TANC1: variants seen among roughly 807,000 people sequenced by gnomAD.
TANC1 encodes the protein tetratricopeptide repeat, ankyrin repeat and coiled-coil containing 1.
Under a neutral mutation model 149.7 loss-of-function variants are expected in TANC1, and 77 were observed. That is an observed-to-expected ratio of 0.51 (90% CI 0.43 to 0.62). The LOEUF is 0.62. TANC1 is among the 20% of genes least tolerant of loss of function. The pLI is 0.00. For missense variants in TANC1, 1,985 were observed against 2,321.8 expected (o/e 0.85, Z 2.98); for synonymous variants, 854 against 925.0 (o/e 0.92, Z 1.39).
intron 2 of TANC1, among the ~76,000 whole-genome samples, chr2:159,013,877 G>A (rs1461649510): frequency 4.6e-5 from 7 of 152,176 alleles, no homozygotes; most frequent in African/African-American, 1.7e-4. Context: ...GGCAGAGCTG[G>A]TTCTTTCCTA....
At chr2:159,126,758 A>T (rs768668588) in intron 4 of TANC1, among the ~76,000 whole-genome samples, 4 of 152,242 alleles carry the variant, frequency 2.6e-5, no homozygotes, top group Non-Finnish European at 4.4e-5. Flanking sequence ...GCTTATGTTG[A>T]AGTGTTTTGA....
intron 3 of TANC1, among the ~76,000 whole-genome samples, chr2:159,087,947 C>T (rs1037521622): frequency 3.3e-5 from 5 of 150,278 alleles, no homozygotes; most frequent in Non-Finnish European, 7.4e-5. Context: ...AGATTTGAGG[C>T]ATGAATCTAT....
intron 20 of TANC1, 26 bp downstream of exon 20, chr2:159,217,656 C>T: frequency 1.2e-6 from 2 of 1,612,466 alleles, no homozygotes; most frequent in Non-Finnish European, 1.7e-6. Context: ...CTGAATGCTT[C>T]AGAAGCAATG....
At chr2:159,115,734 C>T (rs1291576573) in intron 4 of TANC1, among the ~76,000 whole-genome samples, 1 of 152,122 alleles carries the variant, frequency 6.6e-6, no homozygotes, top group Non-Finnish European at 1.5e-5. Context: ...CTTGATAGGT[C>T]AAGATTCAAA....
chr2:159,074,840 G>T (rs1475490134), intron 3 of TANC1, among the ~76,000 whole-genome samples: 1 of 152,136 alleles, frequency 6.6e-6, no homozygotes, highest in African/African-American at 2.4e-5. Context: ...ATGGTTGGGT[G>T]CTTGTAGGGG....
intron 4 of TANC1, among the ~76,000 whole-genome samples, chr2:159,134,313 C>A (rs540539805): frequency 1.3e-5 from 2 of 152,188 alleles, no homozygotes; most frequent in African/African-American, 2.4e-5. Flanking sequence ...GCAGTATTTT[C>A]TTTATTTTTG....
intron 3 of TANC1, among the ~76,000 whole-genome samples, chr2:159,083,961 G>A (rs2044547826): frequency 1.3e-5 from 2 of 148,324 alleles, no homozygotes; most frequent in East Asian, 3.9e-4. Flanking sequence ...ATAGAAAAAT[G>A]CAGTCATCAG....
intron 13 of TANC1, among the ~76,000 whole-genome samples, chr2:159,176,882 T>C (rs952466309): frequency 1.3e-5 from 2 of 150,092 alleles, no homozygotes; most frequent in African/African-American, 2.5e-5. Flanking sequence ...TTGTGTTTTT[T>C]TGAAGGGAAA....
intron 19 of TANC1, among the ~76,000 whole-genome samples, chr2:159,203,083 T>G (rs558358340): frequency 2.6e-5 from 4 of 152,180 alleles, no homozygotes; most frequent in African/African-American, 9.7e-5. Context: ...GCTCCAGCAC[T>G]TGCCATTCAG....
At chr2:158,992,950 TCC>T (rs539323101) in intron 1 of TANC1, among the ~76,000 whole-genome samples, 3,443 of 152,320 alleles carry the variant, frequency 0.023, 54 homozygotes, top group Non-Finnish European at 0.035. Flanking sequence ...TCGTGTGTTC[TCC>T]ATCACAGCCG....
chr2:159,206,925 C>G (rs187478769), intron 19 of TANC1, among the ~76,000 whole-genome samples: 20 of 152,282 alleles, frequency 1.3e-4, no homozygotes, highest in Non-Finnish European at 2.2e-4. Flanking sequence ...ATTCTCAGCA[C>G]ACTTTAGAAG....
intron 2 of TANC1, among the ~76,000 whole-genome samples, chr2:159,005,027 T>C (rs2037016032): frequency 6.6e-6 from 1 of 152,244 alleles, no homozygotes; most frequent in African/African-American, 2.4e-5. Context: ...TGGCTAGTTA[T>C]CTGCAGCAGG....
At chr2:159,079,804 C>T (rs2044072949) in intron 3 of TANC1, among the ~76,000 whole-genome samples, 1 of 152,148 alleles carries the variant, frequency 6.6e-6, no homozygotes, top group Non-Finnish European at 1.5e-5. Context: ...CAAATGAGAA[C>T]TCACACCTAC....
intron 7 of TANC1, among the ~76,000 whole-genome samples, chr2:159,161,373 A>T (rs1450368936): frequency 1.3e-5 from 2 of 152,240 alleles, no homozygotes; most frequent in Non-Finnish European, 2.9e-5. Flanking sequence ...ATGTTGGAGT[A>T]GCCTGTGAAC....
At chr2:158,986,217 G>A (rs568998970) in intron 1 of TANC1, among the ~76,000 whole-genome samples, 1 of 149,766 alleles carries the variant, frequency 6.7e-6, no homozygotes, top group African/African-American at 2.6e-5. Context: ...GAGTGCACAT[G>A]GTGTATGATT....
intron 11 of TANC1, among the ~76,000 whole-genome samples, chr2:159,174,339 C>G (rs535182660): frequency 6.6e-6 from 1 of 152,220 alleles, no homozygotes; most frequent in East Asian, 1.9e-4. Flanking sequence ...CTTATCTCTC[C>G]ACACGATGGG....
chr2:159,186,110 A>C (rs767668760), intron 15 of TANC1, among the ~76,000 whole-genome samples: 22 of 152,312 alleles, frequency 1.4e-4, no homozygotes, highest in Non-Finnish European at 2.6e-4. Flanking sequence ...TGATTGCTCA[A>C]GTGTATATCA....
Position 159,196,665 on chromosome 2 carries a change from C to T in TANC1, c.3037C>T (p.His1013Tyr), listed in dbSNP as rs2057877519. The change falls in exon 18 of 27, where the codon CAC becomes TAC. Residue 1013 changes from histidine to tyrosine, a missense_variant. Transcript: ENST00000263635. ...GCTTGTCCACAGTGCCCTACGGGGC[C>T]ACGGTGACATTCTCCAGTACCTGCT... The part of the protein sequence containing the change: ...CALVHSALRG[H>Y]GDILQYLLTC... The T allele has an allele frequency of 6.2e-7, 1 of 1,613,924 alleles. No individual in the cohort carries two copies. The highest frequency in any genetic ancestry group is 1.3e-5 in the African/African-American group (1 of 74,928).
intron 20 of TANC1, among the ~76,000 whole-genome samples, 175 bp from the exon 21 acceptor site, chr2:159,219,063 G>C (rs1164777637): frequency 6.6e-6 from 1 of 152,194 alleles, no homozygotes; most frequent in Non-Finnish European, 1.5e-5. Flanking sequence ...TTTGGAAAAG[G>C]TTCTGTTCAA....
Sources: allele counts gnomAD v4.1 joint callset (sites outside exome capture counted in the v4.1 genomes callset), GRCh38; gene constraint gnomAD v4.1.1; transcripts MANE v1.5; gene names NCBI Gene and HGNC (gene_info 2026-07-23, HGNC 2026-07-21).